WDR26: variants seen among roughly 807,000 people sequenced by gnomAD.
WDR26 encodes the protein WD repeat-containing protein 26.
In WDR26, 5 loss-of-function variants were observed where a neutral mutation model predicts 84.1. The ratio of observed to expected loss-of-function variants is 0.06; its 90% CI spans 0.03 to 0.13. WDR26 has a LOEUF of 0.13. WDR26 is among the 10% of genes least tolerant of loss of function. The pLI, the probability that WDR26 is intolerant of heterozygous loss-of-function variation, is 1.00. For synonymous variants in WDR26, 415 were observed against 389.6 expected, an observed-to-expected ratio of 1.07 and a Z score of -0.77; for missense variants, 642 against 974.9, an observed-to-expected ratio of 0.66 and a Z score of 4.55.
At chr1:224,416,017 A>G (rs1673892620) in intron 6 of WDR26, among the ~76,000 whole-genome samples, 1 of 152,212 alleles carries the variant, frequency 6.6e-6, no homozygotes, top group Admixed American at 6.5e-5. Context: ...AGAGTGAAGG[A>G]AAAGTAAGGA....
chr1:224,424,476 T>C (rs1023794813), intron 4 of WDR26, 42 bp downstream of exon 4: 20 of 1,594,224 alleles, frequency 1.3e-5, no homozygotes, highest in African/African-American at 2.7e-5. Flanking sequence ...AATATAACTT[T>C]GGCCCTCCAT....
At chr1:224,415,782 G>T (rs1348310556) in intron 6 of WDR26, among the ~76,000 whole-genome samples, 2 of 152,174 alleles carry the variant, frequency 1.3e-5, no homozygotes, top group Non-Finnish European at 2.9e-5. Context: ...TTCTTAAAGG[G>T]ACAGGTAAAG....
intron 7 of WDR26, among the ~76,000 whole-genome samples, chr1:224,409,761 G>A (rs1434620520): frequency 6.6e-6 from 1 of 151,796 alleles, no homozygotes; most frequent in Non-Finnish European, 1.5e-5. Context: ...TAGTTGGGAG[G>A]CTGAGGCATA....
intron 6 of WDR26, among the ~76,000 whole-genome samples, chr1:224,414,705 C>G (rs1673842943): frequency 6.6e-6 from 1 of 152,086 alleles, no homozygotes; most frequent in African/African-American, 2.4e-5. Context: ...TCAGACCCAG[C>G]ATGGTTGCTC....
At chr1:224,396,087 C>A (rs546971829) in intron 12 of WDR26, among the ~76,000 whole-genome samples, 2 of 152,148 alleles carry the variant, frequency 1.3e-5, no homozygotes, top group South Asian at 4.1e-4. Context: ...CTCGCTATAT[C>A]TGATTGATGT....
At position 224,393,879 on chromosome 1, in the gene WDR26, T is replaced by A; in HGVS notation, c.2209A>T (p.Thr737Ser). Residue 737 changes from threonine to serine, a missense_variant, in exon 13 of 14, where the codon ACT (threonine) becomes TCT (serine). Thr to Ser is a moderately conservative substitution (Grantham distance 58). Around this residue, in one of 2 missense-constraint regions of WDR26, gnomAD observed 351 missense variants for 672.8 expected, o/e 0.52. Transcript: ENST00000414423. ...GGTGCTGGTCCCCATATTCTAACAG[T>A]GCCATCATCTGAGGCGCTGGCCATC... The A allele has an allele frequency of 6.3e-7, 1 of 1,588,316 alleles. No individual in the cohort carries two copies. Among genetic ancestry groups the A allele is most frequent in the African/African-American group, 1.3e-5 (1 of 74,794 alleles).
intron 6 of WDR26, chr1:224,413,422 G>C (rs932553597): frequency 2.6e-5 from 14 of 544,550 alleles, no homozygotes; most frequent in Admixed American, 1.6e-4. Context: ...GTATTTGCAG[G>C]CTGTTTTAAA....
chr1:224,410,486 A>G (rs1464018469), intron 7 of WDR26, among the ~76,000 whole-genome samples: 1 of 152,014 alleles, frequency 6.6e-6, no homozygotes, highest in Admixed American at 6.6e-5. Flanking sequence ...ATAAACGAAC[A>G]CTTATCTGAT....
At chr1:224,414,376 G>A (rs1283958714) in intron 6 of WDR26, among the ~76,000 whole-genome samples, 2 of 152,130 alleles carry the variant, frequency 1.3e-5, no homozygotes, top group African/African-American at 4.8e-5. Flanking sequence ...AAAGTGCTGG[G>A]ATTACAGGTG....
intron 5 of WDR26, among the ~76,000 whole-genome samples, chr1:224,419,011 C>A (rs921533157): frequency 2.0e-5 from 3 of 152,138 alleles, no homozygotes; most frequent in Non-Finnish European, 2.9e-5. Flanking sequence ...TTCTTAGGAT[C>A]GTCACTGTCA....
In WDR26 at chr1:224,434,217, G is replaced by T; in HGVS notation, c.189C>A (p.Ser63=). Residue 63 remains serine, a synonymous_variant, in exon 1 of 14, where the codon TCC becomes TCA. Transcript: ENST00000414423. ...CCACTACCACCACGGAGGAGGAGGA[G>T]GAGGAGGAGGACGAGGACGACGAGG... 1 of 1,398,442 alleles carries T rather than the reference G, an allele frequency of 7.2e-7. No individual in the cohort carries two copies. Among genetic ancestry groups the T allele is most frequent in the South Asian group, 1.7e-5 (1 of 59,064 alleles). 86.6% of individuals were successfully genotyped at this position (1,398,442 alleles called of 1,614,324 possible).
intron 5 of WDR26, among the ~76,000 whole-genome samples, chr1:224,418,752 C>A (rs899042415): frequency 2.0e-5 from 3 of 152,132 alleles, no homozygotes; most frequent in African/African-American, 7.2e-5. Flanking sequence ...TACCAGGAGA[C>A]CAGGTGTAAG....
intron 12 of WDR26, 152 bp downstream of exon 12, chr1:224,397,945 G>C: frequency 1.1e-6 from 1 of 895,046 alleles, no homozygotes; most frequent in Non-Finnish European, 1.6e-6. Context: ...CAGGGGCTTA[G>C]GTCATTACAG....
chr1:224,400,712 A>AT (rs1374569383), intron 9 of WDR26, among the ~76,000 whole-genome samples: 1 of 151,864 alleles, frequency 6.6e-6, no homozygotes, highest in East Asian at 1.9e-4. Flanking sequence ...TGCCCAGCTA[A>AT]TTTTTGTATT....
At chr1:224,432,152 C>T (rs1674410058) in intron 1 of WDR26, among the ~76,000 whole-genome samples, 1 of 152,196 alleles carries the variant, frequency 6.6e-6, no homozygotes, top group East Asian at 1.9e-4. Context: ...TTATTAGCTT[C>T]ACACAAGGTT....
intron 7 of WDR26, among the ~76,000 whole-genome samples, chr1:224,408,445 T>C (rs1673642405): frequency 6.6e-6 from 1 of 152,180 alleles, no homozygotes; most frequent in African/African-American, 2.4e-5. Context: ...TGAAGGGGAT[T>C]CTTATACACT....
chr1:224,407,173 A>T (rs1246938032), intron 7 of WDR26, among the ~76,000 whole-genome samples: 23 of 81,460 alleles, frequency 2.8e-4, no homozygotes, highest in African/African-American at 9.7e-4. Context: ...TATATATATA[A>T]CTCAAAAACT....
At position 224,398,256 on chromosome 1, in the gene WDR26, A is replaced by C. The variant is rs7522956; in HGVS notation, c.1945-30T>G. On this transcript the variant is annotated intron_variant, in intron 11 of 13. Coordinates refer to ENST00000414423, the MANE Select transcript of WDR26 (RefSeq NM_001379403.1). ...AGGCAAAGGAGAATACAGATATTTA[A>C]TCTGCCTCAACTCAAACAAATTTTA... 0.22 allele frequency: 348,211 copies of C among 1,597,406 alleles called. 42,686 individuals carry two copies. Among genetic ancestry groups the C allele is most frequent in the African/African-American group, 0.48 (35,226 of 74,008 alleles).
intron 3 of WDR26, chr1:224,429,825 G>T (rs1421851421): frequency 1.3e-5 from 2 of 152,116 alleles, no homozygotes; most frequent in Non-Finnish European, 2.9e-5. Flanking sequence ...TAATGAGATA[G>T]TCATAATCGA....
Sources: allele counts gnomAD v4.1 joint callset (sites outside exome capture counted in the v4.1 genomes callset), GRCh38; gene constraint gnomAD v4.1.1; regional missense constraint gnomAD v4.1.1; transcripts MANE v1.5; gene names NCBI Gene and HGNC (gene_info 2026-07-23, HGNC 2026-07-21).